The following ZNF507 variants were observed in gnomAD, a reference collection of about 807,000 sequenced individuals.
The protein encoded by ZNF507 is zinc finger protein 507.
In ZNF507, 29 loss-of-function variants were observed where a neutral mutation model predicts 80.0. The ratio of observed to expected loss-of-function variants is 0.36; its 90% confidence interval spans 0.27 to 0.49. The LOEUF is 0.49. ZNF507 is among the 20% of genes least tolerant of loss of function. The pLI is 0.98. For missense variants in ZNF507, 1,081 were observed against 1,152.2 expected (o/e 0.94, Z 0.90); for synonymous variants, 462 against 422.5 (o/e 1.09, Z -1.15).
In ZNF507 at chr19:32,353,271, T is replaced by C. The variant is rs1214150059; in HGVS notation, c.441T>C (p.His147=). ...TGTTAAAAGATCATATTAAGCAACA[T>C]GGTCAGCAAAATGAAGTGATACTGA... ...FSVLKDHIKQ[H]GQQNEVILMC... The change falls in exon 3 of 7, where the codon CAT becomes CAC. Residue 147 remains histidine (H), a synonymous_variant. Transcript: ENST00000355898. 7 of 1,614,088 alleles carry C rather than the reference T, an allele frequency of 4.3e-6. No homozygotes were observed. The East Asian group carries it at 6.7e-5, about 15-fold the overall frequency.
intron 5 of ZNF507, among the ~76,000 whole-genome samples, chr19:32,369,625 C>G (rs1209470751): frequency 6.8e-6 from 1 of 146,152 alleles, no homozygotes; most frequent in African/African-American, 2.5e-5. Context: ...AACATACTTT[C>G]TTTTTTTTTT....
chr19:32,381,297 G>A (rs1490812096), intron 5 of ZNF507, among the ~76,000 whole-genome samples: 2 of 152,034 alleles, frequency 1.3e-5, no homozygotes, highest in Non-Finnish European at 2.9e-5. Flanking sequence ...TGGATTCATG[G>A]CATTATACCT....
At chr19:32,360,212 T>C (rs191261087) in intron 4 of ZNF507, among the ~76,000 whole-genome samples, 75 of 152,352 alleles carry the variant, frequency 4.9e-4, no homozygotes, top group African/African-American at 1.8e-3. Flanking sequence ...ATTTAGCTCC[T>C]ACATAGCCAG....
chr19:32,364,505 A>G (rs1256210896), intron 5 of ZNF507, among the ~76,000 whole-genome samples: 1 of 151,918 alleles, frequency 6.6e-6, no homozygotes, highest in East Asian at 1.9e-4. Flanking sequence ...TTTCCCCCCA[A>G]GTCCCCAAAG....
chr19:32,379,634 A>G (rs1967598362), intron 5 of ZNF507, among the ~76,000 whole-genome samples: 1 of 152,222 alleles, frequency 6.6e-6, no homozygotes, highest in Non-Finnish European at 1.5e-5. Flanking sequence ...ATATACATAC[A>G]TATGGATGTA....
chr19:32,362,245 T>C (rs950934661), intron 5 of ZNF507, among the ~76,000 whole-genome samples: 1 of 152,200 alleles, frequency 6.6e-6, no homozygotes, highest in Admixed American at 6.5e-5. Context: ...GGGAAATGTT[T>C]AGGAGAATGT....
chr19:32,375,738 C>G (rs1967538092), intron 5 of ZNF507, among the ~76,000 whole-genome samples: 1 of 152,094 alleles, frequency 6.6e-6, no homozygotes, highest in African/African-American at 2.4e-5. Flanking sequence ...ATAATTTTCC[C>G]TTTGTTTAAC....
In ZNF507 at chr19:32,347,376, A is replaced by G. The variant is rs1005289337; in HGVS notation, c.-3+38A>G. The G allele has an allele frequency of 1.3e-5, 2 of 152,316 alleles. No individual in the cohort carries two copies. The highest frequency in any genetic ancestry group is 2.4e-5 in the African/African-American group (1 of 41,452). The allele number at this position is 152,316 out of a possible 1,614,324, so 9.4% of individuals were successfully genotyped here. ...AACCACACTGAGTGTTTCCTTATTT[A>G]TAAGACTGTATAACACCCACCTAGC... On this transcript the variant is annotated intron_variant, in intron 2 of 6. Transcript: ENST00000355898.
chr19:32,368,361 G>C (rs4473305), intron 5 of ZNF507, among the ~76,000 whole-genome samples: 4,916 of 152,322 alleles, frequency 0.032, 260 homozygotes, highest in African/African-American at 0.11. Flanking sequence ...GCTGGTGGCT[G>C]TGCTGGCTGT....
At chr19:32,358,538 G>A (rs1967280906) in intron 4 of ZNF507, 1 of 152,278 alleles carries the variant, frequency 6.6e-6, no homozygotes, top group Admixed American at 6.5e-5. Context: ...CCAACTCAGT[G>A]AAGAAGACAG....
Position 32,356,683 on chromosome 19 carries a change from A to T in ZNF507, c.2195A>T (p.Asn732Ile). The T allele has an allele frequency of 6.2e-7, 1 of 1,614,154 alleles. No homozygotes were observed. The highest frequency in any genetic ancestry group is 8.5e-7 in the Non-Finnish European group (1 of 1,180,024). ...GATACCTTGTCAATAGCAACTTCTA[A>T]TGAGCCAAGAATTTCCAGTGATACA... ...LPDTLSIATS[N>I]EPRISSDTAD... The change falls in exon 4 of 7, where the codon AAT (asparagine) becomes ATT (isoleucine). Residue 732 changes from asparagine (N) to isoleucine (I), a missense_variant. Physicochemically the swap from Asn to Ile is moderately radical, Grantham distance 149 (BLOSUM62 -3). Coordinates refer to ENST00000355898, the MANE Select transcript of ZNF507 (RefSeq NM_001136156.2).
At chr19:32,371,337 G>A (rs748504701) in intron 5 of ZNF507, among the ~76,000 whole-genome samples, 1 of 151,942 alleles carries the variant, frequency 6.6e-6, no homozygotes, top group Non-Finnish European at 1.5e-5. Flanking sequence ...AGCCAGGTAT[G>A]GTAGTGCATT....
At chr19:32,380,577 G>A (rs1298895099) in intron 5 of ZNF507, 11 of 1,534,908 alleles carry the variant, frequency 7.2e-6, no homozygotes, top group Admixed American at 3.9e-5. Flanking sequence ...TTTGTGCCTC[G>A]TTATTGCTGA....
intron 5 of ZNF507, among the ~76,000 whole-genome samples, chr19:32,364,177 G>A (rs948362065): frequency 6.6e-6 from 1 of 152,174 alleles, no homozygotes; most frequent in Admixed American, 6.5e-5. Flanking sequence ...CAGAAAAAAA[G>A]AGAGCTGTTT....
intron 3 of ZNF507, among the ~76,000 whole-genome samples, chr19:32,356,408 A>G (rs1316665241): frequency 6.6e-6 from 1 of 152,180 alleles, no homozygotes. Context: ...ATGAAGAGGA[A>G]CTGTCCGTTG....
chr19:32,379,154 TACAG>T (rs1359393032), intron 5 of ZNF507, among the ~76,000 whole-genome samples: 2 of 152,228 alleles, frequency 1.3e-5, no homozygotes, highest in East Asian at 1.9e-4. Flanking sequence ...CAGTCACAGA[TACAG>T]ACACTGAGTT....
intron 5 of ZNF507, among the ~76,000 whole-genome samples, chr19:32,377,445 GTATTGGAA>G (rs1482101799): frequency 1.3e-5 from 2 of 152,092 alleles, no homozygotes; most frequent in African/African-American, 4.8e-5. Flanking sequence ...GATTATAATA[GTATTGGAA>G]TAAAGAGTAA....
chr19:32,356,185 C>A lies in ZNF507; in HGVS notation c.2128-431C>A, dbSNP rs188404134. 9.7e-4 allele frequency among the ~76,000 whole-genome samples: 147 copies of A among 152,264 alleles called. 2 individuals are homozygous for A. The South Asian group carries it at 0.022, about 22-fold the overall frequency. ...AATGGAAGTAGAGGAGACAGGATGT[C>A]CTTGGAGGAGCACTTCCAGTTAGAT... On this transcript the variant is annotated intron_variant, in intron 3 of 6. Transcript: ENST00000355898.
At chr19:32,356,896 A>G in intron 4 of ZNF507, 163 bp downstream of exon 4, 2 of 623,312 alleles carry the variant, frequency 3.2e-6, no homozygotes, top group East Asian at 5.6e-5. Context: ...GGAAATGCCA[A>G]GTACTGAATG....
Sources: gnomAD v4.1 joint callset for allele counts (sites outside exome capture counted in the v4.1 genomes callset) on GRCh38, gnomAD v4.1.1 for gene constraint, MANE v1.5 for transcripts, NCBI Gene and HGNC (gene_info 2026-07-23, HGNC 2026-07-21) for gene names.